Variants in FILIP1 observed in about 807,000 individuals in gnomAD.
The protein encoded by FILIP1 is filamin-A-interacting protein 1.
FILIP1 carries 61 observed loss-of-function variants against 102.1 expected under a neutral mutation model. The ratio of observed to expected loss-of-function variants is 0.60; its 90% confidence interval spans 0.49 to 0.74. The LOEUF is 0.74. FILIP1 is among the 30% of genes least tolerant of loss of function. The pLI, the probability that FILIP1 is intolerant of heterozygous loss-of-function variation, is 0.00. For missense variants in FILIP1, 1,314 were observed against 1,441.2 expected (o/e 0.91, Z 1.43); for synonymous variants, 491 against 526.9 (o/e 0.93, Z 0.93).
chr6:75,369,810 T>C (rs1204823398), intron 2 of FILIP1, among the ~76,000 whole-genome samples: 1 of 152,182 alleles, frequency 6.6e-6, no homozygotes, highest in Non-Finnish European at 1.5e-5. Context: ...ACCTGAGTGT[T>C]CAGAACAAAA....
Position 75,314,805 on chromosome 6 carries a change from C to G in FILIP1, c.1027G>C (p.Glu343Gln). ...LKLVGLTQRI[E>Q]ELEETNKNLQ... ...TTTTTGTTGGTCTCTTCTAGCTCCT[C>G]GATTCTTTGGGTTAAGCCAACCAGC... is the stretch of plus-strand genomic sequence containing the variant. The change falls in exon 5 of 6, where the codon GAG becomes CAG. Residue 343 changes from glutamate to glutamine, a missense_variant. Coordinates refer to ENST00000237172, the MANE Select transcript of FILIP1 (RefSeq NM_015687.5). 2 of 1,613,982 alleles carry G rather than the reference C, an allele frequency of 1.2e-6. No homozygotes were observed. Among genetic ancestry groups the G allele is most frequent in the East Asian group, 4.5e-5 (2 of 44,892 alleles).
chr6:75,432,547 T>C (rs4496761), intron 1 of FILIP1, among the ~76,000 whole-genome samples: 34,198 of 152,122 alleles, frequency 0.22, 3,873 homozygotes, highest in South Asian at 0.3. Context: ...TTTTAGTTTA[T>C]TCTAAAAATA....
chr6:75,363,468 C>G (rs143984249), intron 2 of FILIP1, among the ~76,000 whole-genome samples: 36 of 152,306 alleles, frequency 2.4e-4, no homozygotes, highest in African/African-American at 6.3e-4. Flanking sequence ...TAATGCTTGG[C>G]TGTCCTTTTC....
chr6:75,306,970 T>C (rs2149538766), downstream of FILIP1, among the ~76,000 whole-genome samples: 1 of 152,238 alleles, frequency 6.6e-6, no homozygotes, highest in South Asian at 2.1e-4. Context: ...ACTCGGCTAA[T>C]TTTTGTATTT....
At chr6:75,318,003 A>G (rs981358454) in intron 4 of FILIP1, among the ~76,000 whole-genome samples, 1 of 152,140 alleles carries the variant, frequency 6.6e-6, no homozygotes, top group South Asian at 2.1e-4. Context: ...TGATAAGTTC[A>G]TGTCCAGTCA....
intron 4 of FILIP1, among the ~76,000 whole-genome samples, chr6:75,343,513 C>T (rs140780852): frequency 1.8e-4 from 27 of 152,272 alleles, no homozygotes; most frequent in Admixed American, 8.5e-4. Context: ...TCTCTTGCTT[C>T]CTTGTTTCTA....
In FILIP1 at chr6:75,493,396, T is replaced by C. The variant is rs951009937; in HGVS notation, c.-7+18A>G. 2 of 152,252 alleles carry C rather than the reference T, an allele frequency of 1.3e-5. No individual in the cohort carries two copies. Among genetic ancestry groups the C allele is most frequent in the Admixed American group, 1.3e-4 (2 of 15,290 alleles). 9.4% of individuals were successfully genotyped at this position (152,252 alleles called of 1,614,324 possible). The stretch of plus-strand genomic sequence containing the variant: ...GATATTTCTTAAGAGAGTAAGTATT[T>C]ATTTATTTTGGTCTTACCTGACGGC... On this transcript the variant is annotated intron_variant, in intron 1 of 5. Coordinates refer to ENST00000237172, the MANE Select transcript of FILIP1 (RefSeq NM_015687.5).
intron 4 of FILIP1, among the ~76,000 whole-genome samples, chr6:75,324,717 A>G (rs1773778447): frequency 6.6e-6 from 1 of 152,232 alleles, no homozygotes; most frequent in Non-Finnish European, 1.5e-5. Flanking sequence ...CCAAAACAGC[A>G]TTGTACTGGT....
rs536153349 is a variant in FILIP1 at position 75,313,063 on chromosome 6, C to T, written c.2769G>A (p.Ala923=). The T allele has an allele frequency of 3.3e-5, 54 of 1,614,120 alleles. No individual in the cohort carries two copies. In the East Asian group the frequency reaches 9.4e-4, roughly 28 times the overall value. The change falls in exon 5 of 6, where the codon GCG becomes GCA. Residue 923 remains alanine (A), a synonymous_variant. Transcript: ENST00000237172. This position sits in a 1 kb window ranked among gnomAD's most constrained non-coding sequence, Gnocchi z 4.2. ...RVTPDHENST[A]TLEITSPTSE... is the part of the protein sequence containing the mutation. ...ATGTCGGGCTTGTTATCTCCAAAGTCGCAGTGCTGTTCTCGTGGTCTGGTG... is the reference window on the plus strand; with the variant it reads ...ATGTCGGGCTTGTTATCTCCAAAGTTGCAGTGCTGTTCTCGTGGTCTGGTG...
intron 2 of FILIP1, among the ~76,000 whole-genome samples, chr6:75,373,465 T>TTTAA (rs1554205055): frequency 1.3e-5 from 2 of 152,134 alleles, no homozygotes; most frequent in Non-Finnish European, 2.9e-5. Context: ...ACAATCTTAT[T>TTTAA]TTTATTTATT....
At chr6:75,353,861 A>G in intron 3 of FILIP1, 144 bp from the exon 4 acceptor site, 3 of 782,318 alleles carry the variant, frequency 3.8e-6, no homozygotes, top group Non-Finnish European at 6.0e-6. Flanking sequence ...CCCCCATTGT[A>G]TCAGTTTCTT....
chr6:75,416,735 T>C (rs1777283937), intron 1 of FILIP1, among the ~76,000 whole-genome samples: 2 of 152,148 alleles, frequency 1.3e-5, no homozygotes, highest in South Asian at 4.1e-4. Context: ...TTATCTGAAA[T>C]AATTTTCTCT....
chr6:75,320,668 T>C (rs1452378726), intron 4 of FILIP1, among the ~76,000 whole-genome samples: 1 of 152,244 alleles, frequency 6.6e-6, no homozygotes, highest in East Asian at 1.9e-4. Flanking sequence ...TGAGTGAGTA[T>C]ACATTTTTGT....
intron 1 of FILIP1, among the ~76,000 whole-genome samples, chr6:75,434,902 G>A (rs924951823): frequency 1.3e-5 from 2 of 152,178 alleles, no homozygotes; most frequent in Non-Finnish European, 1.5e-5. Flanking sequence ...CACGAAGGGC[G>A]TTGAATTTTG....
chr6:75,307,805 T>C (rs919879839), downstream of FILIP1, among the ~76,000 whole-genome samples: 1 of 152,214 alleles, frequency 6.6e-6, no homozygotes, highest in East Asian at 1.9e-4. Flanking sequence ...TTGAATTCAA[T>C]TAAGATATGC....
intron 1 of FILIP1, among the ~76,000 whole-genome samples, chr6:75,457,612 GTCTCTCTCTCTCTC>G (rs68150078): frequency 4.2e-5 from 6 of 142,644 alleles, no homozygotes; most frequent in South Asian, 2.3e-4. Context: ...TTCAAACAAA[GTCTCTCTCTCTCTC>G]TCTCTCTCTC....
chr6:75,314,474 T>C lies in FILIP1; in HGVS notation c.1358A>G (p.His453Arg). 6.3e-7 allele frequency: 1 copy of C among 1,595,884 alleles called. No individual in the cohort carries two copies. Among genetic ancestry groups the C allele is most frequent in the Non-Finnish European group, 8.5e-7 (1 of 1,175,288 alleles). The change falls in exon 5 of 6, where the codon CAT (histidine) becomes CGT (arginine). Residue 453 changes from histidine (H) to arginine (R), a missense_variant. Transcript: ENST00000237172. ...SKSKSECTQL[H>R]LNLEKEKNLT... The stretch of plus-strand genomic sequence containing the variant: ...GTTCTTTTCTTTCTCCAGATTTAAA[T>C]GTAGCTGGGTGCACTCAGATTTACT...
intron 1 of FILIP1, among the ~76,000 whole-genome samples, chr6:75,474,621 T>G (rs750860868): frequency 1.3e-5 from 2 of 152,140 alleles, no homozygotes; most frequent in African/African-American, 4.8e-5. Flanking sequence ...ATGACAGCAG[T>G]GAGTGAGCTG....
At chr6:75,389,803 C>T (rs1776223057) in intron 2 of FILIP1, among the ~76,000 whole-genome samples, 1 of 151,484 alleles carries the variant, frequency 6.6e-6, no homozygotes, top group African/African-American at 2.4e-5. Flanking sequence ...TCTATTTTGC[C>T]ATCATTTTTT....
Sources: allele counts gnomAD v4.1 joint callset (sites outside exome capture counted in the v4.1 genomes callset), GRCh38; gene constraint gnomAD v4.1.1; non-coding constraint Gnocchi (gnomAD v3.1); transcripts MANE v1.5; gene names NCBI Gene and HGNC (gene_info 2026-07-23, HGNC 2026-07-21).